The following PLEKHH2 variants were observed in gnomAD, a reference collection of about 807,000 sequenced individuals.
PLEKHH2 encodes the protein pleckstrin homology, MyTH4 and FERM domain containing H2, also known as pleckstrin homology domain-containing family H member 2.
A neutral mutation model predicts 187.9 loss-of-function variants in PLEKHH2; 129 were observed. The ratio of observed to expected loss-of-function variants is 0.69; its 90% CI spans 0.59 to 0.79. The LOEUF (loss-of-function observed/expected upper bound fraction) is 0.79. Ranked by LOEUF, PLEKHH2 falls within the 30% of genes least tolerant of loss-of-function variation. The probability of loss-of-function intolerance (pLI) is 0.00; values close to 1 mark genes in which losing one functional copy is unlikely to be tolerated. For missense variants in PLEKHH2, 2,076 were observed against 1,751.2 expected (o/e 1.19, Z -3.31); for synonymous variants, 686 against 605.6 (o/e 1.13, Z -1.95).
chr2:43,746,029 AT>A, intron 24 of PLEKHH2, 66 bp downstream of exon 24: 1 of 1,005,136 alleles, frequency 9.9e-7, no homozygotes, highest in Non-Finnish European at 1.4e-6. Flanking sequence ...TGCACCTACT[AT>A]TTACCTTTCT....
chr2:43,742,954 T>TC (rs756520880), intron 22 of PLEKHH2, 36 bp downstream of exon 22: 5 of 1,430,358 alleles, frequency 3.5e-6, no homozygotes, highest in Non-Finnish European at 4.6e-6. Flanking sequence ...TAGCCAACAA[T>TC]CCTATGTACA....
At position 43,692,453 on chromosome 2, in the gene PLEKHH2, G is replaced by GT. The variant is rs1558499910; in HGVS notation, c.187-58dup. The GT allele has an allele frequency of 8.0e-6, 11 of 1,375,622 alleles. No homozygotes were observed. The South Asian group carries it at 1.4e-4, about 17-fold the overall frequency. The allele number at this position is 1,375,622 out of a possible 1,614,324, so 85.2% of individuals were successfully genotyped here. ...ACATAATATTAAGGTAAAATTCTAG[G>GT]TTTAATACTGTGATAACCTGAGTAC... On this transcript the variant is annotated intron_variant, in intron 3 of 29. Coordinates refer to ENST00000282406, the MANE Select transcript of PLEKHH2 (RefSeq NM_172069.4).
At chr2:43,697,445 C>A in intron 7 of PLEKHH2, 89 bp downstream of exon 7, 1 of 1,100,722 alleles carries the variant, frequency 9.1e-7, no homozygotes, top group South Asian at 2.1e-5. Flanking sequence ...CTTAATTTTC[C>A]TTATTTTTTT....
At position 43,749,870 on chromosome 2, in the gene PLEKHH2, A is replaced by G. The variant is rs534063377; in HGVS notation, c.3654-3749A>G. ...CAAAGCTAAAATATCAATTCTCTTT[A>G]TCATGGAATTTTAAATGGATACTTA... On this transcript the variant is annotated intron_variant, in intron 24 of 29. Transcript: ENST00000282406. 1.2e-4 allele frequency among the ~76,000 whole-genome samples: 18 copies of G among 152,380 alleles called. No individual in the cohort carries two copies. The South Asian group carries it at 3.7e-3, about 32-fold the overall frequency.
chr2:43,747,522 C>T (rs576549751), intron 24 of PLEKHH2, among the ~76,000 whole-genome samples: 2 of 152,310 alleles, frequency 1.3e-5, no homozygotes, highest in Admixed American at 1.3e-4. Context: ...CCGGAGACTC[C>T]GGAGCACACA....
rs1222652274 is a variant in PLEKHH2, at chr2:43,677,872, C to T, written c.124-991C>T. Among the ~76,000 whole-genome samples, 258 of 126,020 alleles carry T rather than the reference C, an allele frequency of 2.0e-3. 8 individuals carry two copies. In the East Asian group the frequency reaches 0.031, roughly 15 times the overall value. 82.7% of individuals were successfully genotyped at this position (126,020 alleles called of 152,430 possible). On this transcript the variant is annotated intron_variant, in intron 2 of 29. Coordinates refer to ENST00000282406, the MANE Select transcript of PLEKHH2 (RefSeq NM_172069.4). Reference sequence around the variant, plus strand: ...CTCCCGGACGGGGCGGCTGGCCGGGCGGGGGGCTGATCTCCCCACCTCCCT... The same window carrying T: ...CTCCCGGACGGGGCGGCTGGCCGGGTGGGGGGCTGATCTCCCCACCTCCCT...
intron 26 of PLEKHH2, 84 bp downstream of exon 26, chr2:43,757,348 A>G (rs1379019978): frequency 1.8e-6 from 2 of 1,118,814 alleles, no homozygotes; most frequent in Admixed American, 6.1e-5. Context: ...TTAAAGGTGA[A>G]AAACATTTGG....
chr2:43,744,191 T>C, intron 23 of PLEKHH2: 1 of 1,144,674 alleles, frequency 8.7e-7, no homozygotes, highest in Non-Finnish European at 1.1e-6. Context: ...CATATACACA[T>C]TCCATATTAA....
rs960839217 is a variant in PLEKHH2 at position 43,766,354 on chromosome 2, T to G, written c.*756T>G. The G allele has an allele frequency of 6.5e-6, 1 of 152,824 alleles. No individual in the cohort carries two copies. The highest frequency in any genetic ancestry group is 6.5e-5 in the Admixed American group (1 of 15,290). The allele number at this position is 152,824 out of a possible 1,614,324, so 9.5% of individuals were successfully genotyped here. A position where few individuals can be genotyped will look rare whatever the true frequency, so the allele number is the denominator to read the frequency against. ...CACTGTATTTGGTGCTGGGTCATTT[T>G]GACCTTGCTTTGTTAATAATATCTT... is the stretch of plus-strand genomic sequence containing the variant. On this transcript the variant is annotated 3_prime_UTR_variant, in exon 30 of 30. Transcript: ENST00000282406.
At chr2:43,698,730 CCTGT>C (rs1239456685) in intron 7 of PLEKHH2, among the ~76,000 whole-genome samples, 1 of 152,090 alleles carries the variant, frequency 6.6e-6, no homozygotes. Flanking sequence ...TTATGAAGGT[CCTGT>C]CTATGTTTTC....
chr2:43,644,253 T>C (rs908292130), intron 1 of PLEKHH2, among the ~76,000 whole-genome samples: 6 of 152,182 alleles, frequency 3.9e-5, no homozygotes, highest in African/African-American at 1.4e-4. Flanking sequence ...CAAACAATCT[T>C]ATCTGTTGGG....
At chr2:43,705,101 C>T (rs948961817) in intron 9 of PLEKHH2, among the ~76,000 whole-genome samples, 5 of 152,048 alleles carry the variant, frequency 3.3e-5, no homozygotes, top group African/African-American at 1.2e-4. Context: ...AACCAAACAA[C>T]AAGAACTGTC....
intron 2 of PLEKHH2, among the ~76,000 whole-genome samples, chr2:43,667,731 A>C (rs1392330707): frequency 6.6e-6 from 1 of 152,216 alleles, no homozygotes; most frequent in East Asian, 1.9e-4. Context: ...AAATATTCAG[A>C]ATAGGCAAAA....
At chr2:43,646,144 G>A (rs1666174801) in intron 2 of PLEKHH2, among the ~76,000 whole-genome samples, 1 of 152,018 alleles carries the variant, frequency 6.6e-6, no homozygotes, top group Non-Finnish European at 1.5e-5. Context: ...ACTTCAATGT[G>A]CTTTATTTAT....
intron 24 of PLEKHH2, among the ~76,000 whole-genome samples, chr2:43,751,507 T>C (rs1376023341): frequency 6.6e-6 from 1 of 152,230 alleles, no homozygotes; most frequent in African/African-American, 2.4e-5. Flanking sequence ...CCAGTGGTGC[T>C]GAGAGCCCTG....
intron 15 of PLEKHH2, among the ~76,000 whole-genome samples, chr2:43,713,177 G>C (rs573453852): frequency 6.6e-6 from 1 of 151,852 alleles, no homozygotes; most frequent in East Asian, 1.9e-4. Context: ...TTAGGAAGTG[G>C]TCTTAATTTG....
Position 43,764,320 on chromosome 2 carries a change from G to C in PLEKHH2, c.4251G>C (p.Lys1417Asn). The change falls in exon 29 of 30, where the codon AAG becomes AAC. Residue 1417 changes from lysine to asparagine, a missense_variant. Lys to Asn is a moderately conservative substitution (Grantham distance 94). Coordinates refer to ENST00000282406, the MANE Select transcript of PLEKHH2 (RefSeq NM_172069.4). ...FMVVINNTHS[K>N]DKPTEKLLFA... The stretch of plus-strand genomic sequence containing the variant: ...TAGTCATTAACAATACACATTCAAA[G>C]GACAAACCAACAGAGAAATTACTTT... The C allele has an allele frequency of 6.2e-7, 1 of 1,611,856 alleles. No homozygotes were observed. Among genetic ancestry groups the C allele is most frequent in the Non-Finnish European group, 8.5e-7 (1 of 1,178,776 alleles).
intron 2 of PLEKHH2, 131 bp from the exon 3 acceptor site, chr2:43,678,732 G>A (rs1668002406): frequency 3.2e-6 from 2 of 622,656 alleles, no homozygotes; most frequent in Non-Finnish European, 5.8e-6. Flanking sequence ...GTGGGTAGAG[G>A]TGGAAGTGGA....
intron 2 of PLEKHH2, among the ~76,000 whole-genome samples, chr2:43,655,736 T>A (rs1035116534): frequency 6.6e-6 from 1 of 152,178 alleles, no homozygotes; most frequent in African/African-American, 2.4e-5. Context: ...TGGGGTAGGA[T>A]GATTATTACA....
Sources: allele counts gnomAD v4.1 joint callset (sites outside exome capture counted in the v4.1 genomes callset), GRCh38; gene constraint gnomAD v4.1.1; transcripts MANE v1.5; gene names NCBI Gene and HGNC (gene_info 2026-07-23, HGNC 2026-07-21).